Variants in SEMA4B observed in about 807,000 individuals in gnomAD.
SEMA4B encodes the protein semaphorin-4B.
In SEMA4B, 55 loss-of-function variants were observed where a neutral mutation model predicts 88.1. The ratio of observed to expected loss-of-function variants is 0.62; its 90% CI spans 0.50 to 0.78. The LOEUF is 0.78. Ranked by LOEUF, SEMA4B falls within the 30% of genes least tolerant of loss-of-function variation. The probability of loss-of-function intolerance (pLI) is 0.00; values close to 1 mark genes in which losing one functional copy is unlikely to be tolerated. For missense variants in SEMA4B, 1,062 were observed against 1,111.9 expected (o/e 0.96, Z 0.64); for synonymous variants, 525 against 473.6 (o/e 1.11, Z -1.41).
intron 1 of SEMA4B, among the ~76,000 whole-genome samples, chr15:90,215,984 T>A (rs1198354486): frequency 6.6e-6 from 1 of 151,508 alleles, no homozygotes; most frequent in East Asian, 1.9e-4. Flanking sequence ...CATTATTTCC[T>A]CCATTTTTTT....
In SEMA4B at chr15:90,223,622, C is replaced by T. The variant is rs1961979700; in HGVS notation, c.925C>T (p.Leu309=). The T allele has an allele frequency of 6.2e-7, 1 of 1,613,296 alleles. No individual in the cohort carries two copies. Among genetic ancestry groups the T allele is most frequent in the African/African-American group, 1.3e-5 (1 of 74,932 alleles). Residue 309 remains leucine, a synonymous_variant, in exon 8 of 14, where the codon CTG becomes TTG. Transcript: ENST00000411539. ...RWTSFLKAQL[L]CSRPDDGFPF... ...GACCTCCTTCCTCAAGGCCCAGCTG[C>T]TGTGCTCACGGCCCGACGATGGCTT... is the stretch of plus-strand genomic sequence containing the variant.
upstream of SEMA4B, chr15:90,201,295 A>T: frequency 1.8e-6 from 2 of 1,125,974 alleles, no homozygotes; most frequent in Non-Finnish European, 1.1e-6. Context: ...GGCCGGGCTC[A>T]CGGCCGACTT....
rs1488628539 is a variant in SEMA4B, at chr15:90,201,460, C to G, written c.-119C>G. The G allele has an allele frequency of 3.8e-6, 5 of 1,305,740 alleles. No homozygotes were observed. Among genetic ancestry groups the G allele is most frequent in the African/African-American group, 1.6e-5 (1 of 64,260 alleles). The allele number at this position is 1,305,740 out of a possible 1,614,324, so 80.9% of individuals were successfully genotyped here. On this transcript the variant is annotated 5_prime_UTR_variant, in exon 1 of 14. Transcript: ENST00000411539. ...GTTTCCCACCTCCCGCCCCCCAGGTCCGGAGGCGGGGGCCCCCGGGGCGAC... is the reference window on the plus strand; with the variant it reads ...GTTTCCCACCTCCCGCCCCCCAGGTGCGGAGGCGGGGGCCCCCGGGGCGAC...
At chr15:90,209,372 G>A (rs1187009706) in intron 1 of SEMA4B, among the ~76,000 whole-genome samples, 2 of 137,432 alleles carry the variant, frequency 1.5e-5, no homozygotes, top group African/African-American at 5.2e-5. Context: ...CCAACATGGT[G>A]AAACCCCATC....
chr15:90,212,701 G>A lies in SEMA4B; in HGVS notation c.158-4738G>A, dbSNP rs1178726354. Among the ~76,000 whole-genome samples the A allele has an allele frequency of 2.0e-5, 3 of 151,962 alleles. No homozygotes were observed. Among genetic ancestry groups the A allele is most frequent in the Non-Finnish European group, 2.9e-5 (2 of 67,990 alleles). On this transcript the variant is annotated intron_variant, in intron 1 of 13. Coordinates refer to ENST00000411539, the MANE Select transcript of SEMA4B (RefSeq NM_198925.4). The surrounding 1 kb of genome is among the most constrained non-coding windows in gnomAD (Gnocchi z 4.0). ...AGCTCAGGCAGGGTCCTTCACAGAC[G>A]TCTGCAGTCACTCTGGAGGTGACCC...
chr15:90,223,092 T>C (rs183441199), intron 7 of SEMA4B, among the ~76,000 whole-genome samples: 1 of 151,948 alleles, frequency 6.6e-6, no homozygotes, highest in East Asian at 1.9e-4. Flanking sequence ...CAGCCCCTCA[T>C]GTAGCTGGGA....
intron 7 of SEMA4B, among the ~76,000 whole-genome samples, chr15:90,223,345 A>G (rs191751314): frequency 3.9e-5 from 6 of 152,282 alleles, no homozygotes; most frequent in Admixed American, 2.6e-4. Context: ...AATCGCGTCC[A>G]TATTTAGGAA....
chr15:90,215,054 C>T (rs1410200973), intron 1 of SEMA4B: 2 of 1,195,490 alleles, frequency 1.7e-6, no homozygotes, highest in African/African-American at 1.6e-5. Context: ...TTTGTGTGGT[C>T]ATAACCCACT....
At chr15:90,221,533 T>C in intron 6 of SEMA4B, 53 bp downstream of exon 6, 5 of 1,607,750 alleles carry the variant, frequency 3.1e-6, no homozygotes, top group South Asian at 1.1e-5. Context: ...CACCCAGCCC[T>C]AGAAGGGGGC....
chr15:90,190,102 T>C (rs1960301109), intron 1 of SEMA4B, among the ~76,000 whole-genome samples: 1 of 152,220 alleles, frequency 6.6e-6, no homozygotes, highest in Non-Finnish European at 1.5e-5. Context: ...GAGTCCCTGG[T>C]GTGGTGCCCA....
intron 3 of SEMA4B, 50 bp from the exon 4 acceptor site, chr15:90,219,743 G>A (rs770873307): frequency 4.1e-6 from 6 of 1,480,116 alleles, no homozygotes; most frequent in African/African-American, 1.4e-5. Flanking sequence ...GGTGCCCCCT[G>A]GTGGCATGCT....
intron 1 of SEMA4B, among the ~76,000 whole-genome samples, chr15:90,203,303 G>A (rs1474531747): frequency 6.6e-6 from 1 of 152,148 alleles, no homozygotes; most frequent in East Asian, 1.9e-4. Context: ...CCAGCCCCAG[G>A]CCTGCTGTCT....
In SEMA4B at chr15:90,201,355, C is replaced by T. The variant is rs7175006; in HGVS notation, c.-224C>T. ...GCTTGCGGGTGAGCTCTGCCCAAGC[C>T]GAGGCTGCGGGGCCGGCGCCGGCGG... On this transcript the variant is annotated 5_prime_UTR_variant, in exon 1 of 14. Coordinates refer to ENST00000411539, the MANE Select transcript of SEMA4B (RefSeq NM_198925.4). 2.4e-6 allele frequency: 3 copies of T among 1,243,216 alleles called. No individual in the cohort carries two copies. Among genetic ancestry groups the T allele is most frequent in the East Asian group, 3.4e-5 (1 of 29,390 alleles). The allele number at this position is 1,243,216 out of a possible 1,614,324, so 77.0% of individuals were successfully genotyped here. A position where few individuals can be genotyped will look rare whatever the true frequency, so the allele number is the denominator to read the frequency against.
intron 1 of SEMA4B, among the ~76,000 whole-genome samples, chr15:90,194,001 A>G (rs1960424162): frequency 6.6e-6 from 1 of 151,796 alleles, no homozygotes; most frequent in Admixed American, 6.6e-5. Context: ...ATAGGTGTGC[A>G]CCACCACGCC....
Position 90,223,823 on chromosome 15 carries a change from T to A in SEMA4B, c.1044-15T>A. 1 of 1,613,486 alleles carries A rather than the reference T, an allele frequency of 6.2e-7. No individual in the cohort carries two copies. The highest frequency in any genetic ancestry group is 1.7e-5 in the Admixed American group (1 of 59,988). ...CCCCAGGGCTCCTGGGTTAATCTGGTTATTTCCTCTGCAGGCACAGGGGAA... is the reference window on the plus strand; with the variant it reads ...CCCCAGGGCTCCTGGGTTAATCTGGATATTTCCTCTGCAGGCACAGGGGAA... On this transcript the variant is annotated splice_polypyrimidine_tract_variant and intron_variant, in intron 8 of 13. Transcript: ENST00000411539.
Position 90,212,938 on chromosome 15 carries a change from G to A in SEMA4B, c.158-4501G>A, listed in dbSNP as rs1009859050. Among the ~76,000 whole-genome samples the A allele has an allele frequency of 1.3e-5, 2 of 152,282 alleles. No individual in the cohort carries two copies. The highest frequency in any genetic ancestry group is 1.9e-4 in the East Asian group (1 of 5,172). On this transcript the variant is annotated intron_variant, in intron 1 of 13. Coordinates refer to ENST00000411539, the MANE Select transcript of SEMA4B (RefSeq NM_198925.4). This position sits in a 1 kb window ranked among gnomAD's most constrained non-coding sequence, Gnocchi z 4.0. ...CCTGGATGAGGGAGGCCCGACTCCCGCAAGGAGCCCTGCCCTTCTGCCAGC... is the reference window on the plus strand; with the variant it reads ...CCTGGATGAGGGAGGCCCGACTCCCACAAGGAGCCCTGCCCTTCTGCCAGC...
chr15:90,208,070 G>A (rs779559804), intron 1 of SEMA4B, among the ~76,000 whole-genome samples: 6 of 152,032 alleles, frequency 3.9e-5, no homozygotes, highest in Non-Finnish European at 8.8e-5. Flanking sequence ...CCTGGCCAAC[G>A]TGGTGAAACC....
intron 1 of SEMA4B, among the ~76,000 whole-genome samples, chr15:90,205,644 G>A (rs1044536567): frequency 1.6e-4 from 24 of 152,232 alleles, no homozygotes; most frequent in South Asian, 6.2e-4. Context: ...TGCTGCATCC[G>A]TAGTAAAAAG....
chr15:90,217,986 AC>A, intron 3 of SEMA4B, 157 bp downstream of exon 3: 2 of 622,004 alleles, frequency 3.2e-6, no homozygotes, highest in East Asian at 5.6e-5. Context: ...GAATCCCAGC[AC>A]TACACTTACA....
Sources: allele counts gnomAD v4.1 joint callset (sites outside exome capture counted in the v4.1 genomes callset), GRCh38; gene constraint gnomAD v4.1.1; non-coding constraint Gnocchi (gnomAD v3.1); transcripts MANE v1.5; gene names NCBI Gene and HGNC (gene_info 2026-07-23, HGNC 2026-07-21).